TSPEAR: variants seen among roughly 807,000 people sequenced by gnomAD.
TSPEAR encodes the protein thrombospondin-type laminin G domain and EAR repeat-containing protein.
A neutral mutation model predicts 71.6 loss-of-function variants in TSPEAR; 69 were observed. The ratio of observed to expected loss-of-function variants is 0.96; its 90% CI spans 0.79 to 1.18. The LOEUF (loss-of-function observed/expected upper bound fraction) is 1.18, where lower values mean the gene tolerates loss of function less well. Ranked by LOEUF, TSPEAR falls within the 50% of genes most tolerant of loss-of-function variation. The pLI, the probability that TSPEAR is intolerant of heterozygous loss-of-function variation, is 0.00. For missense variants in TSPEAR, 971 were observed against 894.9 expected, an observed-to-expected ratio of 1.09 and a Z score of -1.09; for synonymous variants, 402 against 387.2, an observed-to-expected ratio of 1.04 and a Z score of -0.45.
intron 1 of TSPEAR, among the ~76,000 whole-genome samples, chr21:44,598,832 A>G (rs1980547307): frequency 6.6e-6 from 1 of 152,048 alleles, no homozygotes; most frequent in Non-Finnish European, 1.5e-5. Flanking sequence ...ATCCCCTTTC[A>G]TAGTTACTGT....
At chr21:44,621,626 C>T (rs1444321515) in intron 1 of TSPEAR, among the ~76,000 whole-genome samples, 1 of 152,182 alleles carries the variant, frequency 6.6e-6, no homozygotes, top group African/African-American at 2.4e-5. Context: ...CTTCAGGCCC[C>T]ACTTCCTAAG....
rs373226314 is a variant in TSPEAR at position 44,574,854 on chromosome 21, C to T, written c.83-6849G>A. ...CTCCTCCTCCGTGTCCCTCCTCTGC[C>T]GCCCCGTGTGCAGGCCCGCCTGCTG... On this transcript the variant is annotated intron_variant, in intron 1 of 11. Coordinates refer to ENST00000323084, the MANE Select transcript of TSPEAR (RefSeq NM_144991.3). 4.3e-5 allele frequency: 69 copies of T among 1,612,736 alleles called. No homozygotes were observed. The highest frequency in any genetic ancestry group is 5.0e-5 in the Admixed American group (3 of 59,882).
chr21:44,684,701 GCAA>G (rs1986775216), intron 1 of TSPEAR, among the ~76,000 whole-genome samples: 1 of 152,224 alleles, frequency 6.6e-6, no homozygotes, highest in Non-Finnish European at 1.5e-5. Context: ...TAAGGGCCAG[GCAA>G]CGTGCACGGA....
chr21:44,509,080 A>C, intron 10 of TSPEAR, 119 bp downstream of exon 10: 5 of 1,376,998 alleles, frequency 3.6e-6, no homozygotes, highest in Non-Finnish European at 5.0e-6. Context: ...TTTCCACAGG[A>C]AGGTCCCCAG....
At position 44,509,302 on chromosome 21, in the gene TSPEAR, C is replaced by G; in HGVS notation, c.1651G>C (p.Glu551Gln). ...TAGGAATCATTCTGGACTTGCATCTCCACATCGTAGCTGTGACTGTTTGCC... is the reference window on the plus strand; with the variant it reads ...TAGGAATCATTCTGGACTTGCATCTGCACATCGTAGCTGTGACTGTTTGCC... ...AVANSHSYDV[E>Q]MQVQNDSYVI... is the part of the protein sequence containing the mutation. Residue 551 changes from glutamate to glutamine, a missense_variant, in exon 10 of 12, where the codon GAG becomes CAG. Coordinates refer to ENST00000323084, the MANE Select transcript of TSPEAR (RefSeq NM_144991.3). 6.2e-7 allele frequency: 1 copy of G among 1,614,110 alleles called. No homozygotes were observed. Among genetic ancestry groups the G allele is most frequent in the East Asian group, 2.2e-5 (1 of 44,870 alleles).
chr21:44,620,877 C>T (rs71322580), intron 1 of TSPEAR, among the ~76,000 whole-genome samples: 1,675 of 152,284 alleles, frequency 0.011, 13 homozygotes, highest in Non-Finnish European at 0.016. Context: ...TCATTCCTTT[C>T]CAAGAGTTTT....
chr21:44,558,592 AG>A lies in TSPEAR; in HGVS notation c.303+9192del, dbSNP rs782471420. On this transcript the variant is annotated intron_variant, in intron 2 of 11. Coordinates refer to ENST00000323084, the MANE Select transcript of TSPEAR (RefSeq NM_144991.3). ...ACTGGGGTGCAGACCAGGGTCAGGC[AG>A]GGGGCCGGGGCGCAGCAGCTGGTGG... 744 of 1,611,776 alleles carry A rather than the reference AG, an allele frequency of 4.6e-4. 3 individuals carry two copies. The highest frequency in any genetic ancestry group is 5.5e-4 in the Non-Finnish European group (644 of 1,179,008).
chr21:44,615,221 G>A (rs192258347), intron 1 of TSPEAR, among the ~76,000 whole-genome samples: 1 of 152,372 alleles, frequency 6.6e-6, no homozygotes, highest in Non-Finnish European at 1.5e-5. Flanking sequence ...ATCCATCCAC[G>A]AGGGAATGGA....
At chr21:44,523,127 C>T (rs1289701656) in intron 8 of TSPEAR, among the ~76,000 whole-genome samples, 1 of 139,592 alleles carries the variant, frequency 7.2e-6, no homozygotes, top group Non-Finnish European at 1.5e-5. Flanking sequence ...AGTAGTCAGT[C>T]AGCCAGTCAG....
chr21:44,633,358 GC>G (rs1555936069), intron 1 of TSPEAR, among the ~76,000 whole-genome samples: 1 of 151,980 alleles, frequency 6.6e-6, no homozygotes, highest in East Asian at 1.9e-4. Flanking sequence ...TTTAATATAA[GC>G]ATTTATAGCT....
rs1370410605 is a variant in TSPEAR at position 44,521,794 on chromosome 21, C to T, written c.1566+89G>A. 6 of 1,300,696 alleles carry T rather than the reference C, an allele frequency of 4.6e-6. No homozygotes were observed. The African/African-American group carries it at 8.7e-5, about 19-fold the overall frequency. 80.6% of individuals were successfully genotyped at this position (1,300,696 alleles called of 1,614,324 possible). ...AGCACTAGGTTTGGCTCTCGGTGGA[C>T]CCCCAGCCCACATCACCTGTCCAGC... On this transcript the variant is annotated intron_variant, in intron 9 of 11. Coordinates refer to ENST00000323084, the MANE Select transcript of TSPEAR (RefSeq NM_144991.3).
intron 1 of TSPEAR, chr21:44,580,590 G>A (rs782630615): frequency 7.5e-6 from 12 of 1,600,630 alleles, no homozygotes; most frequent in Middle Eastern, 1.8e-4. Flanking sequence ...CTGGGGTGGG[G>A]AAGACGTGAG....
intron 1 of TSPEAR, among the ~76,000 whole-genome samples, chr21:44,664,738 C>G (rs1985663497): frequency 6.6e-6 from 1 of 152,230 alleles, no homozygotes; most frequent in Admixed American, 6.5e-5. Flanking sequence ...TATTCCACTC[C>G]TAGACATTTA....
chr21:44,567,799 T>C lies in TSPEAR; in HGVS notation c.289A>G (p.Asn97Asp). The change falls in exon 2 of 12, where the codon AAT (asparagine) becomes GAT (aspartate). Residue 97 changes from asparagine to aspartate, a missense_variant. Asn to Asp is a conservative substitution (Grantham distance 23, BLOSUM62 1). Coordinates refer to ENST00000323084, the MANE Select transcript of TSPEAR (RefSeq NM_144991.3). The stretch of plus-strand genomic sequence containing the variant: ...GTGCCACTGACCTTGGGTGGAAGAT[T>C]GGGAACTCTCAAAGTTACGACGATG... The part of the protein sequence containing the change: ...FSIVVTLRVP[N>D]LPPKRNEYLL... 3.2e-6 allele frequency: 5 copies of C among 1,576,310 alleles called. No individual in the cohort carries two copies. The highest frequency in any genetic ancestry group is 2.6e-6 in the Non-Finnish European group (3 of 1,160,132).
chr21:44,663,890 A>G (rs1985621421), intron 1 of TSPEAR, among the ~76,000 whole-genome samples: 2 of 152,136 alleles, frequency 1.3e-5, no homozygotes, highest in South Asian at 4.1e-4. Flanking sequence ...AGATTCAGAA[A>G]AGGCTTTTGA....
In TSPEAR at chr21:44,580,362, A is replaced by T. The variant is rs200259844; in HGVS notation, c.83-12357T>A. The T allele has an allele frequency of 4.8e-5, 77 of 1,613,548 alleles. 1 individual carries two copies. The highest frequency in any genetic ancestry group is 3.8e-5 in the Non-Finnish European group (45 of 1,179,938). ...GAGGCGCAGCAAGCCGGCTGGCAGC[A>T]CGAGGGCGTGCAGGAGCTGGTGCAG... On this transcript the variant is annotated intron_variant, in intron 1 of 11. Coordinates refer to ENST00000323084, the MANE Select transcript of TSPEAR (RefSeq NM_144991.3).
chr21:44,704,195 C>T lies in TSPEAR; in HGVS notation c.82+7238G>A, dbSNP rs1018846710. ...TGGATCCTACCATCCTCTTCCTAGC[C>T]CCTGGGGGTGGGGAGGTAGCTGGGA... On this transcript the variant is annotated intron_variant, in intron 1 of 11. Transcript: ENST00000323084. Among the ~76,000 whole-genome samples the T allele has an allele frequency of 2.0e-5, 3 of 152,062 alleles. No homozygotes were observed. The East Asian group carries it at 5.8e-4, about 29-fold the overall frequency.
At chr21:44,543,045 G>A (rs587615363) in intron 2 of TSPEAR, among the ~76,000 whole-genome samples, 2 of 152,238 alleles carry the variant, frequency 1.3e-5, no homozygotes, top group South Asian at 4.2e-4. Context: ...TACCTGGGAA[G>A]AAGATTCCCC....
chr21:44,504,713 C>T (rs797028046), intron 11 of TSPEAR, 67 bp downstream of exon 11: 10 of 856,260 alleles, frequency 1.2e-5, no homozygotes, highest in East Asian at 5.2e-5. Flanking sequence ...TGGAGGAGGC[C>T]GGCCTCGGTG....
Sources: gnomAD v4.1 joint callset for allele counts (sites outside exome capture counted in the v4.1 genomes callset) on GRCh38, gnomAD v4.1.1 for gene constraint, MANE v1.5 for transcripts, NCBI Gene and HGNC (gene_info 2026-07-23, HGNC 2026-07-21) for gene names.